The following DMD variants were observed in gnomAD, a reference collection of about 807,000 sequenced individuals.
DMD encodes the protein mutant dystrophin.
Under a neutral mutation model 330.1 loss-of-function variants are expected in DMD, and 63 were observed. The observed-to-expected ratio is 0.19, with a 90% CI of 0.16 to 0.24. DMD has a LOEUF of 0.24. Among genes scored for constraint, DMD ranks in the 10% least tolerant of loss-of-function variants. The pLI is 1.00. For synonymous variants in DMD, 1,223 were observed against 959.8 expected, an observed-to-expected ratio of 1.27 and a Z score of -5.07; for missense variants, 3,344 against 2,684.1, an observed-to-expected ratio of 1.25 and a Z score of -5.43.
intron 2 of DMD, among the ~76,000 whole-genome samples, chrX:32,908,906 G>T (rs1437562425): frequency 1.8e-5 from 2 of 111,042 alleles, no homozygotes; most frequent in Middle Eastern, 4.6e-3. Context: ...TATGTGAACT[G>T]ACTACAAAAG....
At chrX:32,098,152 T>C (rs1226968283) in intron 44 of DMD, among the ~76,000 whole-genome samples, 1 of 111,937 alleles carries the variant, frequency 8.9e-6, no homozygotes, top group African/African-American at 3.2e-5. Context: ...GTACACATAT[T>C]TGTAATTTAT....
chrX:33,296,037 A>T (rs1222096284), intron 1 of DMD, among the ~76,000 whole-genome samples: 1 of 111,797 alleles, frequency 8.9e-6, no homozygotes, highest in Non-Finnish European at 1.9e-5. Flanking sequence ...CTGATATGTA[A>T]CTATCATTTC....
At chrX:33,295,397 A>G (rs1485317611) in intron 1 of DMD, among the ~76,000 whole-genome samples, 1 of 110,862 alleles carries the variant, frequency 9.0e-6, no homozygotes, top group Non-Finnish European at 1.9e-5. Flanking sequence ...TAAGAATCAT[A>G]GCTTGAGTTC....
intron 47 of DMD, among the ~76,000 whole-genome samples, chrX:31,902,727 C>T (rs190252920): frequency 9.0e-6 from 1 of 111,457 alleles, no homozygotes; most frequent in Non-Finnish European, 1.9e-5. Flanking sequence ...CATTATAAGA[C>T]CAAAAGAAAT....
At chrX:32,857,647 G>T (rs182184818) in intron 2 of DMD, among the ~76,000 whole-genome samples, 1 of 112,089 alleles carries the variant, frequency 8.9e-6, no homozygotes, top group African/African-American at 3.2e-5. Context: ...GAAAGTTGAA[G>T]TCTGTCAGAC....
rs141350844 is a variant in DMD at position 31,234,466 on chromosome X, A to G, written c.9287-11345T>C. Among the ~76,000 whole-genome samples, 470 of 112,595 alleles carry G rather than the reference A, an allele frequency of 4.2e-3. 1 individual carries two copies. Among genetic ancestry groups the G allele is most frequent in the Non-Finnish European group, 6.4e-3 (339 of 53,354 alleles). On this transcript the variant is annotated intron_variant, in intron 63 of 78. Transcript: ENST00000357033. Reference sequence around the variant, plus strand: ...ACACTTACTGTTGCAGTACAAGAACAGGTAGGAAGACAGGCCAAAATCCAT... The same window carrying G: ...ACACTTACTGTTGCAGTACAAGAACGGGTAGGAAGACAGGCCAAAATCCAT...
intron 51 of DMD, among the ~76,000 whole-genome samples, chrX:31,749,155 T>C (rs866432512): frequency 2.0e-5 from 2 of 101,976 alleles, no homozygotes; most frequent in African/African-American, 7.3e-5. Flanking sequence ...TTATTATTAT[T>C]ATTATACTTT....
rs778197371 is a variant in DMD, at chrX:32,403,753, G to C, written c.4233+7999C>G. Among the ~76,000 whole-genome samples the C allele has an allele frequency of 6.3e-5, 7 of 111,714 alleles. No individual in the cohort carries two copies. The East Asian group carries it at 1.7e-3, about 27-fold the overall frequency. On this transcript the variant is annotated intron_variant, in intron 30 of 78. Coordinates refer to ENST00000357033, the MANE Select transcript of DMD (RefSeq NM_004006.3). ...AATGCACTAGGTTTACCATCTACTG[G>C]GCTGTGTAAAAAGAAAATAAAAAGT...
At chrX:33,300,432 T>C (rs2053645820) in intron 1 of DMD, among the ~76,000 whole-genome samples, 1 of 112,374 alleles carries the variant, frequency 8.9e-6, no homozygotes, top group Non-Finnish European at 1.9e-5. Context: ...TTTTCCTATC[T>C]TGCTGATGAG....
intron 12 of DMD, among the ~76,000 whole-genome samples, chrX:32,608,813 C>T (rs1429631726): frequency 9.1e-6 from 1 of 110,046 alleles, no homozygotes; most frequent in Non-Finnish European, 1.9e-5. Flanking sequence ...AGTGTTTATC[C>T]CCCTTACCAT....
At chrX:31,289,984 G>A (rs2053570960) in intron 62 of DMD, among the ~76,000 whole-genome samples, 1 of 107,596 alleles carries the variant, frequency 9.3e-6, no homozygotes, top group Non-Finnish European at 1.9e-5. Context: ...GCAGTGGCAT[G>A]ATCTCTGCTC....
intron 2 of DMD, among the ~76,000 whole-genome samples, chrX:32,929,284 C>T (rs2089374857): frequency 9.0e-6 from 1 of 111,330 alleles, no homozygotes; most frequent in African/African-American, 3.3e-5. Flanking sequence ...TGTGTCCAAA[C>T]CATATTGATT....
At chrX:31,783,747 CAG>C (rs1383214606) in intron 50 of DMD, among the ~76,000 whole-genome samples, 2 of 110,978 alleles carry the variant, frequency 1.8e-5, no homozygotes, top group South Asian at 3.8e-4. Flanking sequence ...ATTAATATAA[CAG>C]AGTTATGTAA....
chrX:31,456,800 C>G (rs1312140571), intron 59 of DMD, among the ~76,000 whole-genome samples: 2 of 106,861 alleles, frequency 1.9e-5, no homozygotes, highest in African/African-American at 6.9e-5. Context: ...CTTGAAAACA[C>G]TTACTTTATA....
intron 1 of DMD, among the ~76,000 whole-genome samples, chrX:33,293,654 C>T (rs148859133): frequency 0.018 from 1,957 of 110,977 alleles, 16 homozygotes; most frequent in Non-Finnish European, 0.028. Flanking sequence ...TCATTTAAGC[C>T]CTCTCTCGAT....
At chrX:33,328,836 G>A (rs1056345791) in intron 1 of DMD, among the ~76,000 whole-genome samples, 15 of 111,148 alleles carry the variant, frequency 1.3e-4, no homozygotes, top group African/African-American at 3.9e-4. Context: ...CTAAGATATG[G>A]GACTAAATAT....
chrX:33,119,580 A>C (rs2095410879), intron 1 of DMD, among the ~76,000 whole-genome samples: 1 of 112,393 alleles, frequency 8.9e-6, no homozygotes, highest in African/African-American at 3.2e-5. Context: ...AAATGGCAGC[A>C]GGTCAGTATG....
intron 11 of DMD, among the ~76,000 whole-genome samples, chrX:32,635,911 T>C (rs2059063628): frequency 8.9e-6 from 1 of 111,813 alleles, no homozygotes; most frequent in South Asian, 3.7e-4. Context: ...ACTTTCTGAA[T>C]GGGTACCCTC....
chrX:32,483,614 A>C (rs986232522), intron 21 of DMD, among the ~76,000 whole-genome samples: 5 of 109,294 alleles, frequency 4.6e-5, no homozygotes, highest in African/African-American at 1.7e-4. Flanking sequence ...AGGGGGAGTT[A>C]TGTATGTAAT....
Sources: gnomAD v4.1 joint callset for allele counts (sites outside exome capture counted in the v4.1 genomes callset) on GRCh38, gnomAD v4.1.1 for gene constraint, MANE v1.5 for transcripts, NCBI Gene and HGNC (gene_info 2026-07-23, HGNC 2026-07-21) for gene names.